Variants in EHMT1 observed in about 807,000 individuals in gnomAD.
EHMT1 encodes the protein histone-lysine N-methyltransferase EHMT1.
Under a neutral mutation model 147.2 loss-of-function variants are expected in EHMT1, and 15 were observed. That is an observed-to-expected ratio of 0.10 (90% CI 0.07 to 0.16). EHMT1 has a LOEUF of 0.16. Among genes scored for constraint, EHMT1 ranks in the 10% least tolerant of loss-of-function variants. The probability of loss-of-function intolerance (pLI) is 1.00; values close to 1 mark genes in which losing one functional copy is unlikely to be tolerated. For synonymous variants in EHMT1, 795 were observed against 709.6 expected (o/e 1.12, Z -1.91); for missense variants, 1,587 against 1,772.4 (o/e 0.90, Z 1.88).
chr9:137,667,729 T>G (rs947912597), intron 1 of EHMT1, among the ~76,000 whole-genome samples: 1 of 152,306 alleles, frequency 6.6e-6, no homozygotes, highest in East Asian at 1.9e-4. Context: ...TGGTGTGTTT[T>G]CTTGAAAGGA....
chr9:137,639,229 T>TA (rs34563858), intron 1 of EHMT1, among the ~76,000 whole-genome samples: 49 of 150,608 alleles, frequency 3.3e-4, no homozygotes, highest in East Asian at 2.1e-3. Flanking sequence ...TTTGTTAGAT[T>TA]AAAAAAAAAA....
chr9:137,717,357 C>T lies in EHMT1; in HGVS notation c.642+175C>T, dbSNP rs1945435084. On this transcript the variant is annotated intron_variant, in intron 3 of 26. Coordinates refer to ENST00000460843, the MANE Select transcript of EHMT1 (RefSeq NM_024757.5). ...GTGGCTTACAGCTGTTATCGCAGCA[C>T]TTTGGGAGGCTGAGGCGGGTGGATT... 1.6e-5 allele frequency: 13 copies of T among 835,978 alleles called. No individual in the cohort carries two copies. In the East Asian group the frequency reaches 3.5e-4, roughly 22 times the overall value. The allele number at this position is 835,978 out of a possible 1,614,324, so 51.8% of individuals were successfully genotyped here. A position where few individuals can be genotyped will look rare whatever the true frequency, so the allele number is the denominator to read the frequency against.
intron 16 of EHMT1, among the ~76,000 whole-genome samples, chr9:137,792,901 G>T (rs1390011140): frequency 1.3e-5 from 2 of 152,134 alleles, no homozygotes; most frequent in African/African-American, 4.8e-5. Flanking sequence ...GGGAAATGAT[G>T]TGCAGCCGGA....
chr9:137,832,368 G>A (rs58285041), intron 25 of EHMT1, among the ~76,000 whole-genome samples: 4,830 of 138,192 alleles, frequency 0.035, 463 homozygotes, highest in African/African-American at 0.14. Context: ...CCTCGCTCCC[G>A]TCCTAGAATT....
intron 1 of EHMT1, among the ~76,000 whole-genome samples, chr9:137,669,818 G>A (rs1326052359): frequency 6.6e-6 from 1 of 152,010 alleles, no homozygotes; most frequent in African/African-American, 2.4e-5. Flanking sequence ...CTCTCAAAGC[G>A]CTGATATTAC....
At chr9:137,757,802 G>T (rs1949492725) in intron 8 of EHMT1, 78 bp from the exon 9 acceptor site, 1 of 1,606,468 alleles carries the variant, frequency 6.2e-7, no homozygotes. Context: ...TGGGGCCCCA[G>T]CCTTGCTGCC....
At chr9:137,649,702 C>T (rs553666036) in intron 1 of EHMT1, among the ~76,000 whole-genome samples, 2 of 152,178 alleles carry the variant, frequency 1.3e-5, no homozygotes, top group Admixed American at 6.5e-5. Context: ...CCAAGTGTTG[C>T]GAACCAGGGA....
At chr9:137,713,337 TCGGCTCA>T (rs1944916718) in intron 2 of EHMT1, among the ~76,000 whole-genome samples, 1 of 147,954 alleles carries the variant, frequency 6.8e-6, no homozygotes. Flanking sequence ...TGGCACGATC[TCGGCTCA>T]CTGCAAGCTC....
rs1324138646 is a variant in EHMT1, at chr9:137,762,799, T to C, written c.1626T>C (p.Ala542=). 6.2e-7 allele frequency: 1 copy of C among 1,614,208 alleles called. No homozygotes were observed. The highest frequency in any genetic ancestry group is 8.5e-7 in the Non-Finnish European group (1 of 1,180,034). The part of the protein sequence containing the change: ...ITTLANNQCM[A]TESVDHELGR... ...CACTGGCCAACAACCAGTGCATGGC[T>C]ACAGAGAGCGTGGACCATGAAGTAA... The change falls in exon 10 of 27, where the codon GCT becomes GCC. Residue 542 remains alanine (A), a synonymous_variant. Transcript: ENST00000460843.
At chr9:137,822,444 A>G (rs1217490188) in intron 25 of EHMT1, among the ~76,000 whole-genome samples, 10 of 152,198 alleles carry the variant, frequency 6.6e-5, no homozygotes, top group African/African-American at 2.2e-4. Flanking sequence ...AGAAACCGCT[A>G]GTTTTCCAAA....
chr9:137,800,579 C>T (rs565203913), intron 17 of EHMT1: 29 of 464,770 alleles, frequency 6.2e-5, no homozygotes, highest in African/African-American at 3.0e-4. Flanking sequence ...TGTGTTGGTG[C>T]GTCCCCAGTG....
chr9:137,639,104 T>C (rs1211698645), intron 1 of EHMT1, among the ~76,000 whole-genome samples: 2 of 152,226 alleles, frequency 1.3e-5, no homozygotes, highest in African/African-American at 2.4e-5. Flanking sequence ...ACTTTAGAAG[T>C]GTGTCATTTA....
At chr9:137,733,328 C>T (rs547956788) in intron 4 of EHMT1, among the ~76,000 whole-genome samples, 13 of 152,284 alleles carry the variant, frequency 8.5e-5, no homozygotes, top group Non-Finnish European at 1.5e-4. Context: ...CCACGTGTAG[C>T]GGTTCACAAT....
intron 18 of EHMT1, chr9:137,803,361 C>G: frequency 3.2e-6 from 3 of 947,526 alleles, no homozygotes; most frequent in Non-Finnish European, 3.8e-6. Context: ...AGGTGATCCT[C>G]CGCGCTTCAC....
intron 1 of EHMT1, among the ~76,000 whole-genome samples, chr9:137,703,517 C>T (rs1164727826): frequency 2.0e-5 from 3 of 152,162 alleles, no homozygotes; most frequent in Non-Finnish European, 4.4e-5. Context: ...CCACCACATA[C>T]CCTAAATCAT....
In EHMT1 at chr9:137,619,058, CG is replaced by C; in HGVS notation, c.21+13del. 2 of 899,500 alleles carry C rather than the reference CG, an allele frequency of 2.2e-6. No individual in the cohort carries two copies. Among genetic ancestry groups the C allele is most frequent in the Non-Finnish European group, 2.7e-6 (2 of 754,202 alleles). The allele number at this position is 899,500 out of a possible 1,614,324, so 55.7% of individuals were successfully genotyped here. A position where few individuals can be genotyped will look rare whatever the true frequency, so the allele number is the denominator to read the frequency against. ...CCGCCGCCGATGCCGAGGTGAGCAG[CG>C]GGGCCGGCGGGGGGCGGCGCGGGGG... On this transcript the variant is annotated intron_variant, in intron 1 of 26. Transcript: ENST00000460843.
intron 4 of EHMT1, among the ~76,000 whole-genome samples, chr9:137,742,170 G>T (rs1021284987): frequency 6.6e-6 from 1 of 152,176 alleles, no homozygotes; most frequent in Non-Finnish European, 1.5e-5. Context: ...ACTCCAGAGC[G>T]GATTGCCCAG....
rs1054853293 is a variant in EHMT1, at chr9:137,716,774, G to C, written c.234G>C (p.Arg78Ser). 4 of 1,613,002 alleles carry C rather than the reference G, an allele frequency of 2.5e-6. No individual in the cohort carries two copies. In the African/African-American group the frequency reaches 4.0e-5, roughly 16 times the overall value. ...NAAKHTQDSA[R>S]VNPQDGTNTL... ...CAAAGCACACTCAGGACAGCGCAAG[G>C]GTCAACCCCCAGGATGGCACCAACA... The change falls in exon 3 of 27, where the codon AGG becomes AGC. Residue 78 changes from arginine to serine, a missense_variant. By Grantham distance (110) the Arg-to-Ser change is moderately radical. Transcript: ENST00000460843.
At chr9:137,824,930 C>T (rs985276182) in intron 25 of EHMT1, among the ~76,000 whole-genome samples, 2 of 152,170 alleles carry the variant, frequency 1.3e-5, no homozygotes, top group South Asian at 2.1e-4. Flanking sequence ...TTTCTTCTCG[C>T]GTTCTGAGCC....
Sources: gnomAD v4.1 joint callset for allele counts (sites outside exome capture counted in the v4.1 genomes callset) on GRCh38, gnomAD v4.1.1 for gene constraint, MANE v1.5 for transcripts, NCBI Gene and HGNC (gene_info 2026-07-23, HGNC 2026-07-21) for gene names.